Variants in CYSTM1 observed in about 807,000 individuals in gnomAD.
CYSTM1 encodes cysteine rich transmembrane module containing 1, also known as cysteine-rich transmembrane module-containing protein 1.
CYSTM1 carries 4 observed loss-of-function variants against 13.1 expected under a neutral mutation model. The ratio of observed to expected loss-of-function variants is 0.31; its 90% CI spans 0.15 to 0.70. The LOEUF is 0.70. CYSTM1 is among the 30% of genes least tolerant of loss of function. The pLI is 0.72. For missense variants in CYSTM1, 96 were observed against 121.6 expected, an observed-to-expected ratio of 0.79 and a Z score of 0.99; for synonymous variants, 36 against 42.7, an observed-to-expected ratio of 0.84 and a Z score of 0.62.
At chr5:140,189,394 A>G (rs114606652) in intron 1 of CYSTM1, among the ~76,000 whole-genome samples, 1,962 of 151,570 alleles carry the variant, frequency 0.013, 26 homozygotes, top group Non-Finnish European at 0.019. Context: ...ATTGTAAGCT[A>G]CCTGAGAGCT....
intron 2 of CYSTM1, among the ~76,000 whole-genome samples, chr5:140,214,793 G>A (rs1381115291): frequency 1.3e-5 from 2 of 152,240 alleles, no homozygotes; most frequent in Non-Finnish European, 2.9e-5. Flanking sequence ...GGCAGTCTTA[G>A]AAGGATTGGA....
intron 2 of CYSTM1, among the ~76,000 whole-genome samples, chr5:140,199,954 C>T (rs1003760349): frequency 6.6e-6 from 1 of 152,164 alleles, no homozygotes; most frequent in Non-Finnish European, 1.5e-5. Flanking sequence ...TCTTTGCCCA[C>T]TTTTTGATGG....
intron 2 of CYSTM1, among the ~76,000 whole-genome samples, chr5:140,226,507 TATATATTAATAATATATA>T (rs1764553559): frequency 8.0e-6 from 1 of 124,344 alleles, no homozygotes; most frequent in African/African-American, 3.0e-5. Flanking sequence ...TATATATAAA[TATATATTAATAATATATA>T]ATATATTTAT....
At chr5:140,189,642 G>A (rs965244312) in intron 1 of CYSTM1, among the ~76,000 whole-genome samples, 6 of 152,046 alleles carry the variant, frequency 3.9e-5, no homozygotes, top group African/African-American at 1.5e-4. Flanking sequence ...TATTGTTTTG[G>A]GGTCATTTTC....
At chr5:140,196,095 A>G (rs1188533464) in intron 2 of CYSTM1, among the ~76,000 whole-genome samples, 1 of 152,094 alleles carries the variant, frequency 6.6e-6, no homozygotes, top group Non-Finnish European at 1.5e-5. Flanking sequence ...TGCTTTATAT[A>G]CATTAACATT....
At chr5:140,206,727 C>A (rs1764302953) in intron 2 of CYSTM1, among the ~76,000 whole-genome samples, 1 of 152,126 alleles carries the variant, frequency 6.6e-6, no homozygotes, top group African/African-American at 2.4e-5. Flanking sequence ...ACTTCCTGGG[C>A]TCAAGTGATT....
intron 1 of CYSTM1, among the ~76,000 whole-genome samples, chr5:140,176,547 C>T (rs910380331): frequency 6.6e-6 from 1 of 152,132 alleles, no homozygotes. Flanking sequence ...GGAGCTATGC[C>T]CCCCTCAGTA....
At chr5:140,224,767 C>T (rs1027815582) in intron 2 of CYSTM1, among the ~76,000 whole-genome samples, 5 of 152,222 alleles carry the variant, frequency 3.3e-5, no homozygotes, top group African/African-American at 7.2e-5. Flanking sequence ...GGGATCCTCC[C>T]GCCTCAGCCT....
chr5:140,198,442 G>C (rs909456216), intron 2 of CYSTM1, among the ~76,000 whole-genome samples: 5 of 152,152 alleles, frequency 3.3e-5, no homozygotes, highest in African/African-American at 4.8e-5. Context: ...ACATGAGTAG[G>C]GTCTTGGTTT....
intron 2 of CYSTM1, chr5:140,200,134 A>G (rs1221103800): frequency 1.3e-5 from 2 of 152,058 alleles, no homozygotes; most frequent in African/African-American, 2.4e-5. Flanking sequence ...ATTAGATCCC[A>G]TTTGTCAGTG....
intron 1 of CYSTM1, among the ~76,000 whole-genome samples, chr5:140,176,949 A>G (rs976293359): frequency 2.0e-5 from 3 of 151,636 alleles, no homozygotes; most frequent in South Asian, 4.2e-4. Flanking sequence ...GGCGCCTGTA[A>G]TCCCAGCTAC....
chr5:140,218,420 TATAC>T (rs1439146264), intron 2 of CYSTM1, among the ~76,000 whole-genome samples: 1 of 152,092 alleles, frequency 6.6e-6, no homozygotes, highest in Non-Finnish European at 1.5e-5. Flanking sequence ...GCAGCTAGAG[TATAC>T]AGAATACCCG....
Position 140,243,472 on chromosome 5 carries a change from GCCC to G in CYSTM1, c.*64_*66del. 1 of 1,425,644 alleles carries G rather than the reference GCCC, an allele frequency of 7.0e-7. No individual in the cohort carries two copies. The highest frequency in any genetic ancestry group is 9.8e-7 in the Non-Finnish European group (1 of 1,022,190). The allele number at this position is 1,425,644 out of a possible 1,614,324, so 88.3% of individuals were successfully genotyped here. A position where few individuals can be genotyped will look rare whatever the true frequency, so the allele number is the denominator to read the frequency against. ...GCTGCCACCTCTGACAGGTGTGCCT[GCCC>G]CCATCTCTTCTGATTGCTGTTAACA... On this transcript the variant is annotated 3_prime_UTR_variant, in exon 3 of 3. Transcript: ENST00000261811.
chr5:140,179,732 C>T (rs1763941170), intron 1 of CYSTM1, among the ~76,000 whole-genome samples: 1 of 150,998 alleles, frequency 6.6e-6, no homozygotes, highest in South Asian at 2.1e-4. Context: ...ACGATCTCAG[C>T]TCACTGCAAC....
At chr5:140,221,186 A>G (rs72798827) in intron 2 of CYSTM1, among the ~76,000 whole-genome samples, 5 of 152,310 alleles carry the variant, frequency 3.3e-5, no homozygotes, top group Non-Finnish European at 7.3e-5. Flanking sequence ...GAAAAGAAAA[A>G]AATAATGCAG....
intron 1 of CYSTM1, among the ~76,000 whole-genome samples, chr5:140,185,373 T>C (rs1764003683): frequency 6.6e-6 from 1 of 152,242 alleles, no homozygotes; most frequent in African/African-American, 2.4e-5. Context: ...CTAATACTTA[T>C]TCATTCATTG....
chr5:140,228,768 T>C (rs4913072), intron 2 of CYSTM1: 91,047 of 399,294 alleles, frequency 0.23, 10,629 homozygotes, highest in East Asian at 0.29. Context: ...GGACAGCGGG[T>C]GTCAGGCAGT....
chr5:140,236,614 A>G (rs1451018289), intron 2 of CYSTM1, among the ~76,000 whole-genome samples: 2 of 152,154 alleles, frequency 1.3e-5, no homozygotes, highest in African/African-American at 2.4e-5. Flanking sequence ...TCTCATTACA[A>G]CATTTTCCTG....
intron 2 of CYSTM1, among the ~76,000 whole-genome samples, chr5:140,218,221 G>C (rs888177261): frequency 2.0e-5 from 3 of 152,178 alleles, no homozygotes; most frequent in African/African-American, 2.4e-5. Flanking sequence ...TAGATAAACA[G>C]ACATCTCTTT....
Sources: gnomAD v4.1 joint callset for allele counts (sites outside exome capture counted in the v4.1 genomes callset) on GRCh38, gnomAD v4.1.1 for gene constraint, MANE v1.5 for transcripts, NCBI Gene and HGNC (gene_info 2026-07-23, HGNC 2026-07-21) for gene names.